The following DNAH3 variants were observed in gnomAD, a reference collection of about 807,000 sequenced individuals.
The protein encoded by DNAH3 is dynein axonemal heavy chain 3.
In DNAH3, 332 loss-of-function variants were observed where a neutral mutation model predicts 432.5. The observed-to-expected ratio is 0.77, with a 90% CI of 0.70 to 0.84. The LOEUF (loss-of-function observed/expected upper bound fraction) is 0.84, where lower values mean the gene tolerates loss of function less well. Ranked by LOEUF, DNAH3 falls within the 40% of genes least tolerant of loss-of-function variation. The probability of loss-of-function intolerance (pLI) is 0.00; values close to 1 mark genes in which losing one functional copy is unlikely to be tolerated. For missense variants in DNAH3, 4,861 were observed against 5,114.0 expected, an observed-to-expected ratio of 0.95 and a Z score of 1.51; for synonymous variants, 1,956 against 1,900.2, an observed-to-expected ratio of 1.03 and a Z score of -0.76.
At chr16:21,153,812 C>A (rs540182427) in intron 1 of DNAH3, among the ~76,000 whole-genome samples, 28 of 152,302 alleles carry the variant, frequency 1.8e-4, no homozygotes, top group Non-Finnish European at 3.1e-4. Context: ...AGACCAAGAA[C>A]CTACGAATTC....
chr16:21,087,216 C>G (rs1056337168), intron 18 of DNAH3, among the ~76,000 whole-genome samples, 156 bp from the exon 19 acceptor site: 1 of 152,128 alleles, frequency 6.6e-6, no homozygotes, highest in South Asian at 2.1e-4. Flanking sequence ...GCCAGTGGAA[C>G]CTTAGATATG....
At chr16:21,047,138 C>CT (rs2089737414) in intron 31 of DNAH3, among the ~76,000 whole-genome samples, 1 of 150,338 alleles carries the variant, frequency 6.7e-6, no homozygotes, top group Non-Finnish European at 1.5e-5. Context: ...TTTGGTGAAT[C>CT]TGACAATTAT....
chr16:21,051,834 C>A, exon 29 of DNAH3: 2 of 1,614,056 alleles, frequency 1.2e-6, no homozygotes, highest in Non-Finnish European at 1.7e-6. Flanking sequence ...GATCGGAGAC[C>A]CTGTCCTCAG....
In DNAH3 at chr16:21,106,714, C is replaced by T. The variant is rs76063399; in HGVS notation, c.2100-40G>A. The T allele has an allele frequency of 3.3e-4, 447 of 1,354,612 alleles. No individual in the cohort carries two copies. In the African/African-American group the frequency reaches 6.0e-3, roughly 18 times the overall value. The allele number at this position is 1,354,612 out of a possible 1,614,324, so 83.9% of individuals were successfully genotyped here. A position where few individuals can be genotyped will look rare whatever the true frequency, so the allele number is the denominator to read the frequency against. ...CAGCCATTGTTATCATCATCATCAT[C>T]ACCATCATCACCATCTAAAATGACT... is the stretch of plus-strand genomic sequence containing the variant. On this transcript the variant is annotated intron_variant, in intron 14 of 61. Transcript: ENST00000261383.
exon 29 of DNAH3, chr16:21,051,692 G>A: frequency 1.2e-6 from 2 of 1,613,330 alleles, no homozygotes; most frequent in East Asian, 2.2e-5. Context: ...TCGGTGAGGG[G>A]TGTGATCACC....
intron 35 of DNAH3, among the ~76,000 whole-genome samples, chr16:21,034,749 A>G (rs1418084126): frequency 1.3e-5 from 2 of 152,240 alleles, no homozygotes; most frequent in African/African-American, 4.8e-5. Context: ...GAGTAATAAG[A>G]AGCATCTAAA....
At chr16:21,087,391 G>A (rs1398524006) in intron 18 of DNAH3, among the ~76,000 whole-genome samples, 1 of 152,066 alleles carries the variant, frequency 6.6e-6, no homozygotes, top group Admixed American at 6.6e-5. Context: ...TTTTTGTTTT[G>A]TTTTGTTTTT....
chr16:21,141,336 G>C, exon 4 of DNAH3: 1 of 1,592,312 alleles, frequency 6.3e-7, no homozygotes, highest in East Asian at 2.3e-5. Context: ...GGAAAACTTC[G>C]TTTTTTTCCT....
rs547218249 is a variant in DNAH3, at chr16:20,948,836, CA to C, written c.11189-200del. Among the ~76,000 whole-genome samples, 214 of 152,256 alleles carry C rather than the reference CA, an allele frequency of 1.4e-3. 1 individual carries two copies. Among genetic ancestry groups the C allele is most frequent in the Non-Finnish European group, 2.8e-3 (192 of 68,012 alleles). On this transcript the variant is annotated intron_variant, in intron 56 of 61. Coordinates refer to ENST00000261383, the Ensembl canonical transcript of DNAH3. ...ACCCTCAAGCTGAAAAGCCTGAAAC[CA>C]TGGCCCAAAGTGAGAACTTACATCC... is the stretch of plus-strand genomic sequence containing the variant.
intron 41 of DNAH3, among the ~76,000 whole-genome samples, chr16:21,016,777 T>G (rs947670416): frequency 2.0e-5 from 3 of 152,144 alleles, no homozygotes; most frequent in African/African-American, 7.2e-5. Flanking sequence ...GACAGATGAA[T>G]GGATAAACAA....
Position 21,062,814 on chromosome 16 carries a change from CACTCTCTTT to C in DNAH3, c.3519-140_3519-132del, listed in dbSNP as rs1380496743. The C allele has an allele frequency of 4.4e-6, 3 of 675,856 alleles. No homozygotes were observed. The East Asian group carries it at 8.2e-5, about 18-fold the overall frequency. The allele number at this position is 675,856 out of a possible 1,614,324, so 41.9% of individuals were successfully genotyped here. On this transcript the variant is annotated intron_variant, in intron 24 of 61. Coordinates refer to ENST00000261383, the Ensembl canonical transcript of DNAH3. Reference sequence around the variant, plus strand: ...ATGTCTTGCGGTCTTCACAAAGGCCCACTCTCTTTTATCACTTTTCATCTGGGGCATGGA... The same window carrying C: ...ATGTCTTGCGGTCTTCACAAAGGCCCTATCACTTTTCATCTGGGGCATGGA...
chr16:20,942,783 C>T (rs988671614), intron 58 of DNAH3, among the ~76,000 whole-genome samples: 41 of 152,150 alleles, frequency 2.7e-4, no homozygotes, highest in African/African-American at 9.9e-4. Context: ...TGGGTCAGGT[C>T]ATCACAAAGA....
At chr16:21,158,887 G>A (rs760556236) in intron 1 of DNAH3, 79 of 171,296 alleles carry the variant, frequency 4.6e-4, no homozygotes, top group Non-Finnish European at 8.9e-4. Context: ...TTTCTGCCCC[G>A]GGGTTAGTGT....
In DNAH3 at chr16:21,142,165, G is replaced by C. The variant is rs542088422; in HGVS notation, c.449-793C>G. Among the ~76,000 whole-genome samples the C allele has an allele frequency of 2.0e-5, 3 of 152,156 alleles. No homozygotes were observed. The East Asian group carries it at 5.8e-4, about 29-fold the overall frequency. On this transcript the variant is annotated intron_variant, in intron 3 of 61. Transcript: ENST00000261383. ...GCAGATCACGAGGTCAGGAGTTGGA[G>C]ACCAGCCTGACCAACATGGTGAAAT... is the stretch of plus-strand genomic sequence containing the variant.
intron 31 of DNAH3, among the ~76,000 whole-genome samples, chr16:21,047,359 G>A (rs914739670): frequency 6.7e-6 from 1 of 149,082 alleles, no homozygotes; most frequent in Non-Finnish European, 1.5e-5. Flanking sequence ...ATATTTCTTG[G>A]AGGCTTTGCT....
intron 58 of DNAH3, among the ~76,000 whole-genome samples, chr16:20,942,935 G>A (rs1461320391): frequency 2.0e-5 from 3 of 152,048 alleles, no homozygotes; most frequent in Non-Finnish European, 4.4e-5. Context: ...TTGAGATAGT[G>A]TCTCACTCTG....
intron 44 of DNAH3, 33 bp from the exon 45 acceptor site, chr16:20,988,098 G>A: frequency 1.2e-6 from 2 of 1,611,846 alleles, no homozygotes; most frequent in African/African-American, 2.7e-5. Context: ...GAATCATCCT[G>A]GAAAACACAT....
chr16:21,120,719 A>G, intron 11 of DNAH3: 2 of 1,564,866 alleles, frequency 1.3e-6, no homozygotes, highest in Admixed American at 1.7e-5. Context: ...AATTCATCAA[A>G]TGTAGTACCG....
intron 7 of DNAH3, among the ~76,000 whole-genome samples, chr16:21,132,164 C>T (rs2092574018): frequency 1.3e-5 from 2 of 152,092 alleles, no homozygotes; most frequent in South Asian, 4.1e-4. Flanking sequence ...GTTGACTTCA[C>T]CCCCTCAATT....
Sources: allele counts gnomAD v4.1 joint callset (sites outside exome capture counted in the v4.1 genomes callset), GRCh38; gene constraint gnomAD v4.1.1; transcripts MANE v1.5; gene names NCBI Gene and HGNC (gene_info 2026-07-23, HGNC 2026-07-21).